CACNA1C: variants seen among roughly 807,000 people sequenced by gnomAD.
The protein encoded by CACNA1C is calcium voltage-gated channel subunit alpha1 C.
A neutral mutation model predicts 229.0 loss-of-function variants in CACNA1C; 30 were observed. The observed-to-expected ratio is 0.13, with a 90% CI of 0.10 to 0.18. The LOEUF is 0.18. CACNA1C is among the 10% of genes least tolerant of loss of function. The pLI, the probability that CACNA1C is intolerant of heterozygous loss-of-function variation, is 1.00. For synonymous variants in CACNA1C, 1,114 were observed against 1,132.5 expected, an observed-to-expected ratio of 0.98 and a Z score of 0.33; for missense variants, 1,658 against 2,845.0, an observed-to-expected ratio of 0.58 and a Z score of 9.49.
At chr12:2,221,327 G>T (rs934216973) in intron 3 of CACNA1C, among the ~76,000 whole-genome samples, 2 of 152,186 alleles carry the variant, frequency 1.3e-5, no homozygotes, top group Non-Finnish European at 2.9e-5. Context: ...AAGGGAGTTG[G>T]GAGGGAATGA....
chr12:2,545,349 G>C (rs911775223), intron 9 of CACNA1C, among the ~76,000 whole-genome samples: 1 of 151,330 alleles, frequency 6.6e-6, no homozygotes, highest in Non-Finnish European at 1.5e-5. Context: ...GTAGTTGTAA[G>C]AGGATCGGCT....
chr12:2,660,725 G>GAGGC (rs2095669575), intron 34 of CACNA1C: 1 of 152,222 alleles, frequency 6.6e-6, no homozygotes, highest in South Asian at 2.1e-4. Flanking sequence ...TCGGGAGGCT[G>GAGGC]AGGCAGGAGA....
intron 1 of CACNA1C, among the ~76,000 whole-genome samples, chr12:2,098,792 T>C (rs764107010): frequency 9.2e-5 from 14 of 152,384 alleles, no homozygotes; most frequent in Middle Eastern, 3.4e-3. Context: ...CGAGGCTTTA[T>C]CTCTGGAATG....
rs2370596 is a variant in CACNA1C, at chr12:2,557,182, A to G, written c.1508+205A>G. ...TAATCCAGCGGTTGATATTTGTTGA[A>G]TGATCTTGGACTGTCCATCTTTTTG... On this transcript the variant is annotated intron_variant, in intron 11 of 46. Transcript: ENST00000399655. Among the ~76,000 whole-genome samples the G allele has an allele frequency of 0.66, 100,106 of 152,074 alleles. 34,166 individuals are homozygous for G. Among genetic ancestry groups the G allele is most frequent in the Non-Finnish European group, 0.74 (50,180 of 67,952 alleles).
At chr12:2,231,539 C>A (rs2065129169) in intron 3 of CACNA1C, among the ~76,000 whole-genome samples, 1 of 152,140 alleles carries the variant, frequency 6.6e-6, no homozygotes, top group Admixed American at 6.5e-5. Context: ...AAACTGAAGG[C>A]AGAGACAACA....
rs527789898 is a variant in CACNA1C, at chr12:2,486,050, G to A, written c.758-54G>A. On this transcript the variant is annotated intron_variant, in intron 5 of 46. Transcript: ENST00000399655. The surrounding 1 kb of genome is among the most constrained non-coding windows in gnomAD (Gnocchi z 4.9). ...TTGCTGGAAGATTGCATGAGATGGC[G>A]TCAGCACGGTACCGCGGTGATGCTT... 2.1e-5 allele frequency: 30 copies of A among 1,438,652 alleles called. No individual in the cohort carries two copies. Among genetic ancestry groups the A allele is most frequent in the African/African-American group, 1.4e-4 (10 of 70,662 alleles). 89.1% of individuals were successfully genotyped at this position (1,438,652 alleles called of 1,614,324 possible).
intron 3 of CACNA1C, among the ~76,000 whole-genome samples, chr12:2,164,222 G>C (rs1156713890): frequency 6.6e-6 from 1 of 152,196 alleles, no homozygotes; most frequent in African/African-American, 2.4e-5. Context: ...AATCCTGACT[G>C]TGTTCTTTGG....
chr12:2,530,030 G>A (rs747774560), intron 9 of CACNA1C, among the ~76,000 whole-genome samples: 15 of 152,244 alleles, frequency 9.9e-5, no homozygotes, highest in African/African-American at 1.4e-4. Flanking sequence ...TTCATTCACT[G>A]GCTGCAATGG....
intron 3 of CACNA1C, among the ~76,000 whole-genome samples, chr12:2,248,887 G>A (rs2074422374): frequency 6.6e-6 from 1 of 152,158 alleles, no homozygotes; most frequent in African/African-American, 2.4e-5. Flanking sequence ...TCTGTACAAT[G>A]AGCATCACGA....
chr12:2,165,689 G>A (rs1289030030), intron 3 of CACNA1C, among the ~76,000 whole-genome samples: 1 of 151,784 alleles, frequency 6.6e-6, no homozygotes, highest in Non-Finnish European at 1.5e-5. Flanking sequence ...CATGGTGAGT[G>A]AACATTACCT....
chr12:2,327,933 C>G (rs1017628672), intron 3 of CACNA1C, among the ~76,000 whole-genome samples: 2 of 152,188 alleles, frequency 1.3e-5, no homozygotes, highest in Non-Finnish European at 2.9e-5. Context: ...ACCTTACTTC[C>G]TCCTTCACCT....
At chr12:2,105,358 C>G (rs2077816473) in intron 1 of CACNA1C, among the ~76,000 whole-genome samples, 1 of 152,162 alleles carries the variant, frequency 6.6e-6, no homozygotes, top group Non-Finnish European at 1.5e-5. Flanking sequence ...TCCTGGCGCC[C>G]TCACGGTCTC....
chr12:2,119,510 A>T (rs2085535658), intron 2 of CACNA1C, among the ~76,000 whole-genome samples: 1 of 152,190 alleles, frequency 6.6e-6, no homozygotes, highest in South Asian at 2.1e-4. Flanking sequence ...CCTGCCCTGA[A>T]AATGTGATGA....
Position 2,694,911 on chromosome 12 carries a change from C to A in CACNA1C, c.*3712C>A, listed in dbSNP as rs1401458145. 3 of 152,204 alleles carry A rather than the reference C, an allele frequency of 2.0e-5. No individual in the cohort carries two copies. The highest frequency in any genetic ancestry group is 4.8e-5 in the African/African-American group (2 of 41,430). The allele number at this position is 152,204 out of a possible 1,614,324, so 9.4% of individuals were successfully genotyped here. A position where few individuals can be genotyped will look rare whatever the true frequency, so the allele number is the denominator to read the frequency against. ...AATGTAGGTCAGGGATAGAGTGGAA[C>A]CCTGGTCATCGGGGTTTTTAGCCTC... On this transcript the variant is annotated 3_prime_UTR_variant, in exon 47 of 47. Transcript: ENST00000399655.
At chr12:2,478,991 C>T (rs763325788) in intron 5 of CACNA1C, among the ~76,000 whole-genome samples, 6 of 152,092 alleles carry the variant, frequency 3.9e-5, no homozygotes, top group Non-Finnish European at 5.9e-5. Flanking sequence ...AGAGACTCTC[C>T]GATAGTATTT....
intron 3 of CACNA1C, among the ~76,000 whole-genome samples, chr12:2,421,530 A>G (rs1434289168): frequency 1.3e-5 from 2 of 152,212 alleles, no homozygotes; most frequent in Non-Finnish European, 2.9e-5. Context: ...GAGTAGTCCA[A>G]CAGTTTAATT....
At chr12:2,414,811 T>C (rs1448621451) in intron 3 of CACNA1C, among the ~76,000 whole-genome samples, 1 of 152,220 alleles carries the variant, frequency 6.6e-6, no homozygotes, top group Non-Finnish European at 1.5e-5. Flanking sequence ...ATGTCACTTC[T>C]AGCCAGAGGG....
rs2048738459 is a variant in CACNA1C at position 2,034,381 on chromosome 12, G to A, written c.139+63180G>A. ...ACTACAGGGAAGATGTCAGAGGAAC[G>A]AGATTCCACGCAACCTGATAAAGAA... On this transcript the variant is annotated intron_variant, in intron 1 of 46. Coordinates refer to the CACNA1C transcript ENST00000682462. The surrounding 1 kb of genome is among the most constrained non-coding windows in gnomAD (Gnocchi z 4.1). Among the ~76,000 whole-genome samples, 1 of 152,222 alleles carries A rather than the reference G, an allele frequency of 6.6e-6. No individual in the cohort carries two copies. Among genetic ancestry groups the A allele is most frequent in the Non-Finnish European group, 1.5e-5 (1 of 68,036 alleles).
intron 3 of CACNA1C, among the ~76,000 whole-genome samples, chr12:2,392,745 T>C (rs994402925): frequency 3.3e-5 from 5 of 152,132 alleles, no homozygotes; most frequent in Admixed American, 2.6e-4. Context: ...AGGCAGAGGA[T>C]TGTACCTGAG....
Sources: allele counts gnomAD v4.1 joint callset (sites outside exome capture counted in the v4.1 genomes callset), GRCh38; gene constraint gnomAD v4.1.1; non-coding constraint Gnocchi (gnomAD v3.1); transcripts MANE v1.5; gene names NCBI Gene and HGNC (gene_info 2026-07-23, HGNC 2026-07-21).